SNAP91: variants seen among roughly 807,000 people sequenced by gnomAD.
SNAP91 encodes the protein synaptosome associated protein 91.
In SNAP91, 27 loss-of-function variants were observed where a neutral mutation model predicts 100.3. The ratio of observed to expected loss-of-function variants is 0.27; its 90% CI spans 0.20 to 0.37. The LOEUF is 0.37. Among genes scored for constraint, SNAP91 ranks in the 10% least tolerant of loss-of-function variants. The pLI, the probability that SNAP91 is intolerant of heterozygous loss-of-function variation, is 1.00. For missense variants in SNAP91, 986 were observed against 1,123.7 expected, an observed-to-expected ratio of 0.88 and a Z score of 1.75; for synonymous variants, 404 against 398.6, an observed-to-expected ratio of 1.01 and a Z score of -0.16.
At chr6:83,584,936 T>C (rs897599681) in intron 22 of SNAP91, among the ~76,000 whole-genome samples, 5 of 152,208 alleles carry the variant, frequency 3.3e-5, no homozygotes, top group African/African-American at 1.2e-4. Flanking sequence ...TGTCGAGATC[T>C]GGCAGGATGA....
At chr6:83,613,905 T>C (rs980238384) in intron 11 of SNAP91, among the ~76,000 whole-genome samples, 3 of 152,154 alleles carry the variant, frequency 2.0e-5, no homozygotes, top group African/African-American at 7.2e-5. Flanking sequence ...TAATGAACCA[T>C]GTTGGAAAAA....
intron 8 of SNAP91, among the ~76,000 whole-genome samples, chr6:83,638,794 G>A (rs1305664895): frequency 6.6e-6 from 1 of 152,178 alleles, no homozygotes; most frequent in Non-Finnish European, 1.5e-5. Context: ...GGATTAAAGT[G>A]TGTTACAGAA....
At chr6:83,624,149 A>T (rs574706767) in intron 8 of SNAP91, among the ~76,000 whole-genome samples, 3 of 152,212 alleles carry the variant, frequency 2.0e-5, no homozygotes, top group African/African-American at 7.2e-5. Context: ...CATATTGTTA[A>T]TTTTGTTAGC....
chr6:83,702,751 T>A (rs981465957), intron 2 of SNAP91, among the ~76,000 whole-genome samples: 6 of 152,056 alleles, frequency 3.9e-5, no homozygotes, highest in African/African-American at 1.4e-4. Flanking sequence ...TATTTAACAT[T>A]ATACCATTAA....
intron 2 of SNAP91, chr6:83,689,665 G>T (rs1347222581): frequency 6.6e-6 from 1 of 151,856 alleles, no homozygotes; most frequent in African/African-American, 2.4e-5. Flanking sequence ...AAAATCAAAA[G>T]AGAAGACAGT....
At chr6:83,640,553 C>T (rs987842643) in intron 8 of SNAP91, among the ~76,000 whole-genome samples, 12 of 152,092 alleles carry the variant, frequency 7.9e-5, no homozygotes, top group African/African-American at 2.9e-4. Flanking sequence ...ACACCAACTG[C>T]ATAGTTACAC....
intron 28 of SNAP91, among the ~76,000 whole-genome samples, chr6:83,558,876 G>C (rs1782852954): frequency 6.6e-6 from 1 of 152,008 alleles, no homozygotes; most frequent in South Asian, 2.1e-4. Context: ...ACATCACCTT[G>C]GCCAGACAAT....
chr6:83,623,407 G>A, intron 8 of SNAP91, 65 bp from the exon 9 acceptor site: 1 of 1,135,754 alleles, frequency 8.8e-7, no homozygotes, highest in East Asian at 2.6e-5. Flanking sequence ...TTTAATGGAA[G>A]ATCACCTACA....
At chr6:83,672,232 A>G (rs1032167816) in intron 2 of SNAP91, among the ~76,000 whole-genome samples, 1 of 152,090 alleles carries the variant, frequency 6.6e-6, no homozygotes, top group African/African-American at 2.4e-5. Context: ...ATCAATCTCA[A>G]ATACAATATT....
chr6:83,600,568 G>A (rs543940573), intron 16 of SNAP91, among the ~76,000 whole-genome samples: 1 of 152,264 alleles, frequency 6.6e-6, no homozygotes, highest in South Asian at 2.1e-4. Flanking sequence ...GCTTCACATG[G>A]CTCATCAGGT....
intron 28 of SNAP91, among the ~76,000 whole-genome samples, chr6:83,558,273 TG>T (rs1264228352): frequency 1.3e-5 from 2 of 152,132 alleles, no homozygotes; most frequent in African/African-American, 4.8e-5. Context: ...ATGATAGTCA[TG>T]GAACTATTCA....
intron 3 of SNAP91, among the ~76,000 whole-genome samples, chr6:83,663,219 A>C (rs2098597890): frequency 6.6e-6 from 1 of 152,064 alleles, no homozygotes; most frequent in African/African-American, 2.4e-5. Flanking sequence ...TATTGCAATT[A>C]AGCCAACTAA....
chr6:83,703,001 C>T (rs764292736), intron 2 of SNAP91, among the ~76,000 whole-genome samples: 38 of 152,176 alleles, frequency 2.5e-4, no homozygotes, highest in Non-Finnish European at 4.3e-4. Flanking sequence ...GAATCACACA[C>T]GTTGGGCCCA....
chr6:83,658,936 G>A (rs2098470899), intron 6 of SNAP91, 63 bp downstream of exon 6: 2 of 1,222,698 alleles, frequency 1.6e-6, no homozygotes, highest in South Asian at 2.7e-5. Context: ...TTTACCTGTA[G>A]CCCATCTTCA....
At chr6:83,611,211 C>T (rs989514666) in intron 11 of SNAP91, among the ~76,000 whole-genome samples, 1 of 152,180 alleles carries the variant, frequency 6.6e-6, no homozygotes, top group East Asian at 1.9e-4. Context: ...TTTTCCCCCC[C>T]CATGGCTGTA....
At chr6:83,671,572 T>G (rs959281968) in intron 2 of SNAP91, among the ~76,000 whole-genome samples, 3 of 152,044 alleles carry the variant, frequency 2.0e-5, no homozygotes, top group Non-Finnish European at 4.4e-5. Context: ...TACCCCATCT[T>G]GCCACAAAGT....
At chr6:83,695,126 A>G (rs1217125653) in intron 2 of SNAP91, among the ~76,000 whole-genome samples, 1 of 151,622 alleles carries the variant, frequency 6.6e-6, no homozygotes, top group African/African-American at 2.4e-5. Flanking sequence ...AAAATAAAAT[A>G]ATTAGCTGGG....
At chr6:83,556,121 G>A (rs1471078532) in intron 29 of SNAP91, 22 bp downstream of exon 29, 2 of 1,359,292 alleles carry the variant, frequency 1.5e-6, no homozygotes, top group South Asian at 1.2e-5. Context: ...CAAGCCTACA[G>A]GAAAAGCTCA....
intron 25 of SNAP91, 78 bp from the exon 26 acceptor site, chr6:83,575,199 T>A (rs1203682793): frequency 2.0e-6 from 2 of 996,542 alleles, no homozygotes; most frequent in East Asian, 5.2e-5. Context: ...CTCCTTAGAT[T>A]ATTTTATTTG....
Sources: gnomAD v4.1 joint callset for allele counts (sites outside exome capture counted in the v4.1 genomes callset) on GRCh38, gnomAD v4.1.1 for gene constraint, MANE v1.5 for transcripts, NCBI Gene and HGNC (gene_info 2026-07-23, HGNC 2026-07-21) for gene names.